The following SMARCA4 variants were observed in gnomAD, a reference collection of about 807,000 sequenced individuals.
The protein encoded by SMARCA4 is SWI/SNF related BAF chromatin remodeling complex subunit ATPase 4.
In SMARCA4, 31 loss-of-function variants were observed where a neutral mutation model predicts 193.9. That is an observed-to-expected ratio of 0.16 (90% confidence interval 0.12 to 0.22). SMARCA4 has a LOEUF of 0.22. Among genes scored for constraint, SMARCA4 ranks in the 10% least tolerant of loss-of-function variants. The probability of loss-of-function intolerance (pLI) is 1.00; values close to 1 mark genes in which losing one functional copy is unlikely to be tolerated. For missense variants in SMARCA4, 1,148 were observed against 2,296.0 expected (o/e 0.50, Z 10.22); for synonymous variants, 942 against 933.1 (o/e 1.01, Z -0.17).
intron 1 of SMARCA4, among the ~76,000 whole-genome samples, chr19:10,971,717 C>T (rs1004998421): frequency 2.0e-5 from 3 of 151,806 alleles, no homozygotes; most frequent in African/African-American, 7.3e-5. Context: ...ATCGACCTGC[C>T]TCAACCTCCC....
intron 30 of SMARCA4, among the ~76,000 whole-genome samples, chr19:11,054,389 G>A (rs1007139351): frequency 1.3e-5 from 2 of 152,222 alleles, no homozygotes; most frequent in Admixed American, 1.3e-4. Flanking sequence ...CCAGGTTTGG[G>A]GGCTCCCCTG....
At chr19:11,001,704 A>T (rs2087655713) in intron 11 of SMARCA4, among the ~76,000 whole-genome samples, 3 of 152,150 alleles carry the variant, frequency 2.0e-5, no homozygotes, top group African/African-American at 7.2e-5. Flanking sequence ...GTAGAGACTG[A>T]TATCCCTCCG....
In SMARCA4 at chr19:10,984,123, G is replaced by A; in HGVS notation, c.-29G>A. On this transcript the variant is annotated splice_region_variant and 5_prime_UTR_variant, in exon 2 of 35. Transcript: ENST00000344626. The surrounding 1 kb of genome is among the most constrained non-coding windows in gnomAD (Gnocchi z 4.3). ...GACTGACCAGGACTGTCTTCCAGCA[G>A]GAGGCCACTGTCTGCAGCTCCCGTG... is the stretch of plus-strand genomic sequence containing the variant. 2 of 1,613,508 alleles carry A rather than the reference G, an allele frequency of 1.2e-6. No individual in the cohort carries two copies. Among genetic ancestry groups the A allele is most frequent in the Non-Finnish European group, 1.7e-6 (2 of 1,179,880 alleles).
In SMARCA4 at chr19:11,018,921, G is replaced by A. The variant is rs759387378; in HGVS notation, c.2439-36G>A. The stretch of plus-strand genomic sequence containing the variant: ...TTTGCACAGTGAGCCATTGATGAGA[G>A]ACCGGCACTTGACTCTCATTTCCTT... On this transcript the variant is annotated intron_variant, in intron 16 of 34. Transcript: ENST00000344626. 3.8e-6 allele frequency: 6 copies of A among 1,582,750 alleles called. No individual in the cohort carries two copies. The African/African-American group carries it at 6.7e-5, about 18-fold the overall frequency.
chr19:10,990,940 T>C (rs2086501832), intron 7 of SMARCA4, among the ~76,000 whole-genome samples: 1 of 152,234 alleles, frequency 6.6e-6, no homozygotes. Flanking sequence ...GAGGACCCCC[T>C]GGATAGATGT....
Position 11,041,532 on chromosome 19 carries a change from G to A in SMARCA4, c.4396G>A (p.Val1466Met), listed in dbSNP as rs2146822707. The change falls in exon 30 of 35, where the codon GTG (valine) becomes ATG (methionine). Residue 1466 changes from valine (V) to methionine (M), a missense_variant. Val to Met is a conservative substitution (Grantham distance 21, BLOSUM62 1). Coordinates refer to ENST00000344626, the MANE Select transcript of SMARCA4 (RefSeq NM_003072.5). This position sits in a 1 kb window ranked among gnomAD's most constrained non-coding sequence, Gnocchi z 5.6. ...PNLTKKMKKI[V>M]DAVIKYKDSS... is the part of the protein sequence containing the mutation. The stretch of plus-strand genomic sequence containing the variant: ...CCTCACCAAGAAGATGAAGAAGATT[G>A]TGGATGCCGTGATCAAGTACAAGGA... 1 of 1,613,636 alleles carries A rather than the reference G, an allele frequency of 6.2e-7. No homozygotes were observed. Among genetic ancestry groups the A allele is most frequent in the East Asian group, 2.2e-5 (1 of 44,874 alleles).
chr19:11,007,949 C>T lies in SMARCA4; in HGVS notation c.2049C>T (p.Pro683=), dbSNP rs138878490. ...AGGCAGCACAGCCTCCCACCCTGCC[C>T]GTGGAGGAGAAGAAGAAGATTCCAG... ...QPQAAQPPTL[P]VEEKKKIPDP... Residue 683 remains proline (P), a synonymous_variant, in exon 14 of 35, where the codon CCC becomes CCT. Transcript: ENST00000344626. The T allele has an allele frequency of 5.2e-5, 84 of 1,613,546 alleles. No individual in the cohort carries two copies. The African/African-American group carries it at 7.7e-4, about 15-fold the overall frequency.
chr19:10,983,359 T>G (rs1385638968), intron 1 of SMARCA4: 1 of 152,212 alleles, frequency 6.6e-6, no homozygotes, highest in Non-Finnish European at 1.5e-5. Context: ...TCTTACTACT[T>G]TCAATGGAAA....
chr19:10,976,862 C>T (rs1284538285), intron 1 of SMARCA4, among the ~76,000 whole-genome samples: 1 of 151,808 alleles, frequency 6.6e-6, no homozygotes, highest in Non-Finnish European at 1.5e-5. Flanking sequence ...TGAGACCAGC[C>T]TGGGCAACAT....
In SMARCA4 at chr19:10,985,301, T is replaced by C. The variant is rs998875986; in HGVS notation, c.251T>C (p.Met84Thr). 3 of 1,613,866 alleles carry C rather than the reference T, an allele frequency of 1.9e-6. No homozygotes were observed. Among genetic ancestry groups the C allele is most frequent in the Middle Eastern group, 1.6e-4 (1 of 6,084 alleles). The change falls in exon 3 of 35, where the codon ATG (methionine) becomes ACG (threonine). Residue 84 changes from methionine (M) to threonine (T), a missense_variant. This residue lies in a region of SMARCA4 where 201 missense variants were observed against 248.3 expected (regional missense o/e 0.81). Transcript: ENST00000344626. The surrounding 1 kb of genome is among the most constrained non-coding windows in gnomAD (Gnocchi z 4.5). Reference protein sequence around the residue: ...KPMESMHEKGMSDDPRYNQMK... With the variant: ...KPMESMHEKGTSDDPRYNQMK... ...ATGGAGTCCATGCATGAGAAGGGCA[T>C]GTCGGACGACCCGCGCTACAACCAG...
chr19:11,039,402 A>T (rs1835319483), intron 29 of SMARCA4: 1 of 1,035,452 alleles, frequency 9.7e-7, no homozygotes, highest in African/African-American at 1.6e-5. Context: ...GGGAGGCTAA[A>T]TTAGGGCACG....
chr19:11,025,127 A>C (rs1390385253), intron 21 of SMARCA4, among the ~76,000 whole-genome samples: 1 of 152,000 alleles, frequency 6.6e-6, no homozygotes, highest in Non-Finnish European at 1.5e-5. Context: ...TGGCATCACA[A>C]AGCATCGGGG....
intron 9 of SMARCA4, 58 bp from the exon 10 acceptor site, chr19:10,996,155 G>A (rs927579680): frequency 1.3e-6 from 2 of 1,582,814 alleles, no homozygotes; most frequent in East Asian, 2.2e-5. Flanking sequence ...CTGGCCATGG[G>A]TGCTCACAGA....
At chr19:11,022,101 G>A (rs2146429905) in intron 19 of SMARCA4, 134 bp downstream of exon 19, 1 of 1,382,350 alleles carries the variant, frequency 7.2e-7, no homozygotes, top group Non-Finnish European at 1.0e-6. Flanking sequence ...TCTGCATGGA[G>A]CAGGGGAGCC....
chr19:11,036,441 T>A (rs889000981), intron 29 of SMARCA4, among the ~76,000 whole-genome samples: 33 of 152,248 alleles, frequency 2.2e-4, no homozygotes, highest in South Asian at 1.2e-3. Context: ...AAATTTTTTG[T>A]AAAGTGGGGG....
intron 21 of SMARCA4, among the ~76,000 whole-genome samples, chr19:11,025,105 C>T (rs1487352970): frequency 6.6e-6 from 1 of 152,064 alleles, no homozygotes; most frequent in Non-Finnish European, 1.5e-5. Flanking sequence ...GTAACAGTGC[C>T]CAGAACAAAG....
chr19:11,010,682 A>T (rs576270628), intron 15 of SMARCA4, 151 bp downstream of exon 15: 105 of 788,308 alleles, frequency 1.3e-4, no homozygotes, highest in Non-Finnish European at 2.2e-4. Flanking sequence ...CGGTTTCCCC[A>T]TGTGTAAAGC....
At chr19:10,995,920 G>T (rs900075756) in intron 9 of SMARCA4, 5 of 474,476 alleles carry the variant, frequency 1.1e-5, no homozygotes, top group Non-Finnish European at 2.0e-5. Flanking sequence ...TGGAGAGAAG[G>T]CTTCGGGTTT....
At chr19:11,049,763 A>C (rs1382496368) in intron 30 of SMARCA4, among the ~76,000 whole-genome samples, 1 of 152,148 alleles carries the variant, frequency 6.6e-6, no homozygotes, top group African/African-American at 2.4e-5. Flanking sequence ...CCCGCCAGCC[A>C]CCAGCCTGCC....
Sources: allele counts gnomAD v4.1 joint callset (sites outside exome capture counted in the v4.1 genomes callset), GRCh38; gene constraint gnomAD v4.1.1; regional missense constraint gnomAD v4.1.1; non-coding constraint Gnocchi (gnomAD v3.1); transcripts MANE v1.5; gene names NCBI Gene and HGNC (gene_info 2026-07-23, HGNC 2026-07-21).